KLRG1: variants seen among roughly 807,000 people sequenced by gnomAD.
KLRG1 encodes the protein killer cell lectin-like receptor subfamily G member 1.
KLRG1 carries 16 observed loss-of-function variants against 21.8 expected under a neutral mutation model. The ratio of observed to expected loss-of-function variants is 0.73; its 90% CI spans 0.50 to 1.11. The LOEUF (loss-of-function observed/expected upper bound fraction) is 1.11. KLRG1 is among the 50% of genes most tolerant of loss of function. The probability of loss-of-function intolerance (pLI) is 0.00; values close to 1 mark genes in which losing one functional copy is unlikely to be tolerated. For synonymous variants in KLRG1, 69 were observed against 75.9 expected (o/e 0.91, Z 0.47); for missense variants, 173 against 218.3 (o/e 0.79, Z 1.31).
the KLRG1 span, chr12:9,149,035 C>T: frequency 9.3e-5 from 147 of 1,582,256 alleles, no homozygotes; most frequent in Non-Finnish European, 1.2e-4. Context: ...GTATCATTTC[C>T]TGAGGAGCAT....
chr12:8,994,548 T>C (rs1285162131), intron 2 of KLRG1, among the ~76,000 whole-genome samples: 3 of 152,176 alleles, frequency 2.0e-5, no homozygotes, highest in Non-Finnish European at 2.9e-5. Context: ...GGTATAAGGG[T>C]TTTTTTCCAG....
chr12:9,068,063 T>G, the KLRG1 span: 2 of 1,194,542 alleles, frequency 1.7e-6, no homozygotes, highest in Non-Finnish European at 2.4e-6. Context: ...TATAATAATG[T>G]GCAGTGTGAG....
chr12:9,169,069 CTTATA>C, the KLRG1 span: 1 of 854,560 alleles, frequency 1.2e-6, no homozygotes. Flanking sequence ...TTCCAGTATC[CTTATA>C]TTAATTCTAT....
At chr12:9,213,779 G>A in the KLRG1 span, among the ~76,000 whole-genome samples, 136,319 of 152,018 alleles carry the variant, frequency 0.9, 61,280 homozygotes, top group East Asian at 1. Context: ...CTGTTCTGTG[G>A]GTTGTCTCTT....
the KLRG1 span, chr12:9,104,460 T>C: frequency 2.0e-6 from 3 of 1,504,658 alleles, no homozygotes; most frequent in Non-Finnish European, 2.7e-6. Flanking sequence ...ACCAAACATA[T>C]TCATTTATCA....
the KLRG1 span, among the ~76,000 whole-genome samples, chr12:9,159,651 G>A: frequency 4.0e-5 from 6 of 151,790 alleles, no homozygotes; most frequent in Non-Finnish European, 8.8e-5. Flanking sequence ...AAGAAAAGAA[G>A]AGAAGGAGAG....
chr12:8,984,417 T>C (rs1946809026), intron 1 of KLRG1, among the ~76,000 whole-genome samples: 1 of 152,086 alleles, frequency 6.6e-6, no homozygotes, highest in Admixed American at 6.6e-5. Flanking sequence ...TTGGCCAGGC[T>C]AATATTTTAT....
the KLRG1 span, among the ~76,000 whole-genome samples, chr12:9,034,539 C>T: frequency 6.6e-6 from 1 of 151,202 alleles, no homozygotes; most frequent in Admixed American, 6.6e-5. Flanking sequence ...TCCGCCTCCC[C>T]GGTTCCAGCG....
At chr12:9,085,192 A>G in the KLRG1 span, among the ~76,000 whole-genome samples, 1 of 152,212 alleles carries the variant, frequency 6.6e-6, no homozygotes, top group African/African-American at 2.4e-5. Flanking sequence ...TAATGGATAC[A>G]TACAGAACAT....
At chr12:9,166,045 T>A in the KLRG1 span, 1 of 1,598,918 alleles carries the variant, frequency 6.3e-7, no homozygotes, top group Non-Finnish European at 8.5e-7. Context: ...AAAGTAAAGT[T>A]ACTTACTTCA....
chr12:9,040,476 A>G, the KLRG1 span, among the ~76,000 whole-genome samples: 1 of 152,348 alleles, frequency 6.6e-6, no homozygotes, highest in East Asian at 1.9e-4. Context: ...CAACCCAAAT[A>G]TTTATTGTCC....
At chr12:8,958,021 T>C (rs910771444) in intron 1 of KLRG1, among the ~76,000 whole-genome samples, 9 of 152,234 alleles carry the variant, frequency 5.9e-5, no homozygotes, top group African/African-American at 2.2e-4. Context: ...TATCTGTATT[T>C]TCTTCTAAGA....
the KLRG1 span, chr12:9,135,233 A>AT: frequency 4.0e-6 from 1 of 252,022 alleles, no homozygotes; most frequent in Non-Finnish European, 8.2e-6. Context: ...AACATCACTG[A>AT]TTCCCAGAAA....
the KLRG1 span, chr12:9,149,612 A>C: frequency 6.2e-7 from 1 of 1,612,514 alleles, no homozygotes; most frequent in Non-Finnish European, 8.5e-7. Context: ...TCTGAAAGAT[A>C]ACGTTGGGTG....
the KLRG1 span, among the ~76,000 whole-genome samples, chr12:9,205,866 T>C: frequency 6.6e-6 from 1 of 152,320 alleles, no homozygotes; most frequent in East Asian, 1.9e-4. Context: ...AGTTGTGGAA[T>C]GTGGAACTCA....
At chr12:9,122,956 C>A in the KLRG1 span, among the ~76,000 whole-genome samples, 4 of 151,842 alleles carry the variant, frequency 2.6e-5, no homozygotes, top group East Asian at 1.9e-4. Flanking sequence ...TTATAAATAA[C>A]TATTTATTAA....
At chr12:9,027,683 CTGATTG>C in the KLRG1 span, 548 of 1,048,080 alleles carry the variant, frequency 5.2e-4, 6 homozygotes, top group South Asian at 6.5e-3. Flanking sequence ...AATTTGAAAA[CTGATTG>C]TTGTAATTGC....
At chr12:9,048,910 A>G in the KLRG1 span, among the ~76,000 whole-genome samples, 3 of 152,372 alleles carry the variant, frequency 2.0e-5, no homozygotes, top group South Asian at 6.2e-4. Flanking sequence ...TTGTTCACAG[A>G]TTACATGATT....
At chr12:9,110,163 G>A in the KLRG1 span, 2 of 1,162,184 alleles carry the variant, frequency 1.7e-6, no homozygotes, top group Non-Finnish European at 2.4e-6. Flanking sequence ...GTGAGTAGAG[G>A]AGATGAGTTA....
Sources: allele counts gnomAD v4.1 joint callset (sites outside exome capture counted in the v4.1 genomes callset), GRCh38; gene constraint gnomAD v4.1.1; transcripts MANE v1.5; gene names NCBI Gene and HGNC (gene_info 2026-07-23, HGNC 2026-07-21).